The following PRDM1 variants were observed in gnomAD, a reference collection of about 807,000 sequenced individuals.
PRDM1 encodes PR domain zinc finger protein 1.
A neutral mutation model predicts 62.8 loss-of-function variants in PRDM1; 13 were observed. The observed-to-expected ratio is 0.21, with a 90% CI of 0.13 to 0.33. The LOEUF (loss-of-function observed/expected upper bound fraction) is 0.33, where lower values mean the gene tolerates loss of function less well. Ranked by LOEUF, PRDM1 falls within the 10% of genes least tolerant of loss-of-function variation. PRDM1 has a pLI of 1.00. For synonymous variants in PRDM1, 396 were observed against 417.6 expected (o/e 0.95, Z 0.63); for missense variants, 895 against 1,058.8 (o/e 0.85, Z 2.15).
chr6:106,015,387 A>T (rs969049916), intron 1 of PRDM1, among the ~76,000 whole-genome samples: 10 of 152,208 alleles, frequency 6.6e-5, no homozygotes, highest in African/African-American at 2.4e-4. Flanking sequence ...CCTTCTACAA[A>T]TGTGTAAAAT....
intron 2 of PRDM1, among the ~76,000 whole-genome samples, chr6:106,091,744 G>A (rs1448761241): frequency 2.6e-5 from 4 of 151,744 alleles, no homozygotes; most frequent in Non-Finnish European, 5.9e-5. Flanking sequence ...TTGCACTCCA[G>A]CCCAGGCAAC....
chr6:106,105,731 C>T lies in PRDM1; in HGVS notation c.1571C>T (p.Thr524Met), dbSNP rs78308602. The T allele has an allele frequency of 2.5e-6, 4 of 1,613,810 alleles. No individual in the cohort carries two copies. The highest frequency in any genetic ancestry group is 3.4e-6 in the Non-Finnish European group (4 of 1,179,956). The change falls in exon 5 of 7, where the codon ACG (threonine) becomes ATG (methionine). Residue 524 changes from threonine (T) to methionine (M), a missense_variant. Coordinates refer to ENST00000369096, the MANE Select transcript of PRDM1 (RefSeq NM_001198.4). ...TCTCCCACGGCGGGAACAGCCGCCA[C>T]GGCAGAACATGTGGTGCAGCCCAAA... is the stretch of plus-strand genomic sequence containing the variant. ...SGSPTAGTAA[T>M]AEHVVQPKAT...
chr6:106,056,560 G>T (rs575877215), intron 1 of PRDM1, among the ~76,000 whole-genome samples: 1 of 152,328 alleles, frequency 6.6e-6, no homozygotes, highest in Admixed American at 6.5e-5. Flanking sequence ...AGCAAGAGAA[G>T]CTCCTGCGAA....
At chr6:105,993,543 G>C (rs986772492) in exon 1 of PRDM1, among the ~76,000 whole-genome samples, 17 of 152,248 alleles carry the variant, frequency 1.1e-4, no homozygotes, top group African/African-American at 4.1e-4. Flanking sequence ...GTGCCACTTG[G>C]AAGATTGCTG....
At chr6:106,007,416 C>T (rs761057124) in intron 1 of PRDM1, among the ~76,000 whole-genome samples, 5 of 149,454 alleles carry the variant, frequency 3.3e-5, no homozygotes, top group Admixed American at 6.7e-5. Flanking sequence ...GGTGACAGAG[C>T]GAGATCCATC....
rs2114654533 is a variant in PRDM1, at chr6:106,105,375, G to A, written c.1215G>A (p.Ser405=). The change falls in exon 5 of 7, where the codon TCG becomes TCA. Residue 405 remains serine, a synonymous_variant. Coordinates refer to ENST00000369096, the MANE Select transcript of PRDM1 (RefSeq NM_001198.4). ...LPHLPPAFIP[S]YNAHYPKFLL... ...ACCTCCCGCCAGCTTTCATCCCCTC[G>A]TACAACGCTCACTACCCCAAGTTCC... 5 of 1,613,906 alleles carry A rather than the reference G, an allele frequency of 3.1e-6. No homozygotes were observed. The highest frequency in any genetic ancestry group is 1.6e-4 in the Middle Eastern group (1 of 6,062).
intron 1 of PRDM1, among the ~76,000 whole-genome samples, chr6:106,007,806 C>T (rs1772500751): frequency 6.6e-6 from 1 of 152,156 alleles, no homozygotes; most frequent in African/African-American, 2.4e-5. Context: ...CTAAATGCAT[C>T]TCCTAACGAC....
chr6:106,066,908 C>T (rs1412859424), intron 1 of PRDM1, among the ~76,000 whole-genome samples: 1 of 152,138 alleles, frequency 6.6e-6, no homozygotes, highest in Non-Finnish European at 1.5e-5. Context: ...TTGAACCATA[C>T]CTGTGGACAT....
In PRDM1 at chr6:106,106,440, C is replaced by T. The variant is rs1400919125; in HGVS notation, c.1843C>T (p.Leu615Phe). Residue 615 changes from leucine to phenylalanine, a missense_variant, in exon 6 of 7, where the codon CTC becomes TTC. By Grantham distance (22) the Leu-to-Phe change is conservative. Coordinates refer to ENST00000369096, the MANE Select transcript of PRDM1 (RefSeq NM_001198.4). The surrounding 1 kb of genome is among the most constrained non-coding windows in gnomAD (Gnocchi z 4.4). The stretch of plus-strand genomic sequence containing the variant: ...GACTTGCAACAAGGGCTTTACTCAG[C>T]TCGCCCACCTGCAGAAACACTACCT... The part of the protein sequence containing the change: ...CQTCNKGFTQ[L>F]AHLQKHYLVH... 1 of 1,614,172 alleles carries T rather than the reference C, an allele frequency of 6.2e-7. No homozygotes were observed. The highest frequency in any genetic ancestry group is 1.1e-5 in the South Asian group (1 of 91,082).
intron 1 of PRDM1, among the ~76,000 whole-genome samples, chr6:106,041,959 C>T (rs1773004499): frequency 6.6e-6 from 1 of 151,394 alleles, no homozygotes; most frequent in African/African-American, 2.4e-5. Context: ...AGGTGCATGC[C>T]ACCGTGTGTG....
intron 1 of PRDM1, among the ~76,000 whole-genome samples, chr6:106,029,687 C>A (rs1419981209): frequency 6.6e-6 from 1 of 152,044 alleles, no homozygotes; most frequent in Non-Finnish European, 1.5e-5. Flanking sequence ...CTCACTGCAG[C>A]CTCAACCTCT....
chr6:106,081,310 T>C, intron 1 of PRDM1, among the ~76,000 whole-genome samples: 1 of 152,216 alleles, frequency 6.6e-6, no homozygotes, highest in East Asian at 1.9e-4. Context: ...ATGTGTACCT[T>C]AGGTCCAGTA....
chr6:105,993,540 T>C (rs1772308733), exon 1 of PRDM1, among the ~76,000 whole-genome samples: 1 of 152,230 alleles, frequency 6.6e-6, no homozygotes. Context: ...AAGGTGCCAC[T>C]TGGAAGATTG....
chr6:106,101,279 T>C (rs985986855), intron 4 of PRDM1, among the ~76,000 whole-genome samples: 2 of 152,206 alleles, frequency 1.3e-5, no homozygotes, highest in African/African-American at 4.8e-5. Context: ...CCAGTGACTT[T>C]GCACCAACCA....
chr6:106,024,546 T>G (rs1164610725), intron 1 of PRDM1, among the ~76,000 whole-genome samples: 1 of 152,214 alleles, frequency 6.6e-6, no homozygotes, highest in Non-Finnish European at 1.5e-5. Flanking sequence ...GACAGACATG[T>G]GATGTTTGCA....
chr6:106,106,584 T>G lies in PRDM1; in HGVS notation c.1902+85T>G, dbSNP rs1486017146. On this transcript the variant is annotated intron_variant, in intron 6 of 6. Coordinates refer to ENST00000369096, the MANE Select transcript of PRDM1 (RefSeq NM_001198.4). The surrounding 1 kb of genome is among the most constrained non-coding windows in gnomAD (Gnocchi z 4.4). Reference sequence around the variant, plus strand: ...CTCCCATGTCCTATATAGCCCGTAGTTAAAGCCAACACCAGATTCTGCGTT... The same window carrying G: ...CTCCCATGTCCTATATAGCCCGTAGGTAAAGCCAACACCAGATTCTGCGTT... 6.4e-7 allele frequency: 1 copy of G among 1,556,376 alleles called. No individual in the cohort carries two copies. The highest frequency in any genetic ancestry group is 8.7e-7 in the Non-Finnish European group (1 of 1,145,250).
intron 1 of PRDM1, among the ~76,000 whole-genome samples, chr6:106,022,715 C>T (rs1391932976): frequency 2.6e-5 from 4 of 151,908 alleles, no homozygotes; most frequent in Admixed American, 1.3e-4. Context: ...GTGAGCCACC[C>T]GCCCAGCCTT....
Position 106,104,854 on chromosome 6 carries a change from A to C in PRDM1, c.694A>C (p.Ser232Arg). The C allele has an allele frequency of 6.2e-7, 1 of 1,613,972 alleles. No individual in the cohort carries two copies. Among genetic ancestry groups the C allele is most frequent in the African/African-American group, 1.3e-5 (1 of 74,978 alleles). Reference sequence around the variant, plus strand: ...AACACAGAGCAGTCTAAAGCAACCGAGCACTGAGAAAAATGAACTCTGCCC... The same window carrying C: ...AACACAGAGCAGTCTAAAGCAACCGCGCACTGAGAAAAATGAACTCTGCCC... ...TQTQSSLKQP[S>R]TEKNELCPKN... The change falls in exon 5 of 7, where the codon AGC (serine) becomes CGC (arginine). Residue 232 changes from serine to arginine, a missense_variant. Transcript: ENST00000369096.
chr6:106,103,206 T>C (rs553619890), intron 4 of PRDM1, among the ~76,000 whole-genome samples: 2 of 152,264 alleles, frequency 1.3e-5, no homozygotes, highest in African/African-American at 4.8e-5. Context: ...CAGGAGGAAC[T>C]GATAACCGCT....
Sources: allele counts gnomAD v4.1 joint callset (sites outside exome capture counted in the v4.1 genomes callset), GRCh38; gene constraint gnomAD v4.1.1; non-coding constraint Gnocchi (gnomAD v3.1); transcripts MANE v1.5; gene names NCBI Gene and HGNC (gene_info 2026-07-23, HGNC 2026-07-21).